The following RBFOX1 variants were observed in gnomAD, a reference collection of about 807,000 sequenced individuals.
RBFOX1 encodes RNA binding fox-1 homolog 1.
Under a neutral mutation model 57.7 loss-of-function variants are expected in RBFOX1, and 8 were observed. The observed-to-expected ratio is 0.14, with a 90% CI of 0.08 to 0.25. The LOEUF is 0.25. Ranked by LOEUF, RBFOX1 falls within the 10% of genes least tolerant of loss-of-function variation. The pLI is 1.00. For missense variants in RBFOX1, 611 were observed against 548.5 expected (o/e 1.11, Z -1.14); for synonymous variants, 326 against 222.4 (o/e 1.47, Z -4.15).
chr16:6,187,126 G>T (rs1422795867), intron 1 of RBFOX1, among the ~76,000 whole-genome samples: 1 of 152,162 alleles, frequency 6.6e-6, no homozygotes, highest in East Asian at 1.9e-4. Context: ...TATCGTAGAT[G>T]TATAGTTAGA....
intron 3 of RBFOX1, among the ~76,000 whole-genome samples, chr16:5,778,189 A>G (rs1396484935): frequency 2.0e-5 from 3 of 152,172 alleles, no homozygotes; most frequent in South Asian, 2.1e-4. Flanking sequence ...AGGAATGGCA[A>G]TAGTGACTTG....
chr16:7,508,874 A>G (rs972098800), intron 4 of RBFOX1, among the ~76,000 whole-genome samples: 8 of 152,228 alleles, frequency 5.3e-5, no homozygotes, highest in Non-Finnish European at 1.2e-4. Flanking sequence ...CTCTTTCCAT[A>G]GCAAGGAGCC....
intron 1 of RBFOX1, among the ~76,000 whole-genome samples, chr16:6,163,236 A>G (rs1174260112): frequency 6.6e-6 from 1 of 152,214 alleles, no homozygotes; most frequent in Non-Finnish European, 1.5e-5. Flanking sequence ...ACCTGGCCAA[A>G]ATACAAATAG....
intron 4 of RBFOX1, among the ~76,000 whole-genome samples, chr16:7,445,205 A>G (rs1021283853): frequency 3.3e-5 from 5 of 152,156 alleles, no homozygotes; most frequent in African/African-American, 4.8e-5. Flanking sequence ...GAAAGTTGGT[A>G]ATATTACTGC....
intron 4 of RBFOX1, among the ~76,000 whole-genome samples, chr16:7,069,770 T>C (rs536860767): frequency 6.6e-6 from 1 of 152,176 alleles, no homozygotes; most frequent in Non-Finnish European, 1.5e-5. Context: ...AAGCCCCAGT[T>C]GCCCATAGTG....
intron 1 of RBFOX1, among the ~76,000 whole-genome samples, chr16:6,169,562 G>C (rs140377596): frequency 6.6e-6 from 1 of 152,296 alleles, no homozygotes; most frequent in East Asian, 1.9e-4. Context: ...CAGCCACGTG[G>C]TGGAAGATGT....
chr16:6,935,630 C>T (rs559814173), intron 3 of RBFOX1, among the ~76,000 whole-genome samples: 3 of 152,272 alleles, frequency 2.0e-5, no homozygotes, highest in South Asian at 4.1e-4. Flanking sequence ...GCACACGCTC[C>T]CCTACATACT....
At chr16:6,986,324 G>A (rs960997253) in intron 3 of RBFOX1, among the ~76,000 whole-genome samples, 1 of 151,800 alleles carries the variant, frequency 6.6e-6, no homozygotes, top group African/African-American at 2.4e-5. Context: ...TCAGCCTCCC[G>A]AGTAGCTGGG....
chr16:7,477,404 G>A (rs190433471), intron 4 of RBFOX1, among the ~76,000 whole-genome samples: 2 of 152,140 alleles, frequency 1.3e-5, no homozygotes, highest in Non-Finnish European at 2.9e-5. Context: ...GTTTACCCGT[G>A]GGGGGTCGGG....
Position 5,703,974 on chromosome 16 carries a change from C to G in RBFOX1, c.318+105013C>G, listed in dbSNP as rs142567208. Among the ~76,000 whole-genome samples the G allele has an allele frequency of 8.5e-3, 1,292 of 152,200 alleles. 24 individuals are homozygous for G. The highest frequency in any genetic ancestry group is 0.03 in the African/African-American group (1,233 of 41,502). Reference sequence around the variant, plus strand: ...TGATTATTATGCCCAGGTTAAGCCCCCTCAAATCGTTACATGGTCGCTCAG... The same window carrying G: ...TGATTATTATGCCCAGGTTAAGCCCGCTCAAATCGTTACATGGTCGCTCAG... On this transcript the variant is annotated intron_variant, in intron 3 of 19. Coordinates refer to the RBFOX1 transcript ENST00000641259.
chr16:6,450,807 A>ATG (rs2094587759), intron 2 of RBFOX1, among the ~76,000 whole-genome samples: 2 of 19,230 alleles, frequency 1.0e-4, no homozygotes, highest in African/African-American at 3.8e-4. Flanking sequence ...ATATGTATAT[A>ATG]TATATATATA....
intron 3 of RBFOX1, among the ~76,000 whole-genome samples, chr16:7,035,555 G>C (rs1190048604): frequency 6.6e-6 from 1 of 152,038 alleles, no homozygotes; most frequent in Non-Finnish European, 1.5e-5. Flanking sequence ...CGCTACTTGT[G>C]AAAATATTTT....
intron 2 of RBFOX1, among the ~76,000 whole-genome samples, chr16:6,505,778 A>G (rs188426094): frequency 2.0e-5 from 3 of 152,342 alleles, no homozygotes; most frequent in Admixed American, 2.0e-4. Flanking sequence ...GGTACATAAG[A>G]GAATTCCTTG....
intron 4 of RBFOX1, among the ~76,000 whole-genome samples, chr16:6,006,906 G>A (rs140432614): frequency 6.2e-4 from 95 of 152,244 alleles, no homozygotes; most frequent in Non-Finnish European, 1.1e-3. Flanking sequence ...ACATGGGTCC[G>A]CCTTCTCTCC....
chr16:6,771,985 G>T (rs1038932168), intron 3 of RBFOX1, among the ~76,000 whole-genome samples: 2 of 152,094 alleles, frequency 1.3e-5, no homozygotes, highest in African/African-American at 4.8e-5. Flanking sequence ...AATTGAAACG[G>T]AAAGACTCCC....
chr16:6,717,549 A>G (rs575803663), intron 3 of RBFOX1, among the ~76,000 whole-genome samples: 5 of 152,150 alleles, frequency 3.3e-5, no homozygotes, highest in East Asian at 3.9e-4. Context: ...AACCTGATGA[A>G]TTAAGATAGC....
chr16:7,104,151 G>T (rs2063168783), intron 4 of RBFOX1, among the ~76,000 whole-genome samples: 1 of 152,152 alleles, frequency 6.6e-6, no homozygotes, highest in Non-Finnish European at 1.5e-5. Context: ...TTAAGGCCAA[G>T]ATAAGTAATA....
chr16:7,575,519 G>C (rs910028141), intron 5 of RBFOX1, among the ~76,000 whole-genome samples: 2 of 152,152 alleles, frequency 1.3e-5, no homozygotes, highest in African/African-American at 4.8e-5. Context: ...CATTGAAGCA[G>C]AGGATGGAAG....
chr16:5,268,159 C>G (rs1303703352), intron 1 of RBFOX1, among the ~76,000 whole-genome samples: 1 of 152,086 alleles, frequency 6.6e-6, no homozygotes, highest in Non-Finnish European at 1.5e-5. Context: ...CAAGGTCTGG[C>G]TGGGCAAGCA....
Sources: gnomAD v4.1 joint callset for allele counts (sites outside exome capture counted in the v4.1 genomes callset) on GRCh38, gnomAD v4.1.1 for gene constraint, MANE v1.5 for transcripts, NCBI Gene and HGNC (gene_info 2026-07-23, HGNC 2026-07-21) for gene names.